Variants in SEC31A observed in about 807,000 individuals in gnomAD.
SEC31A encodes the protein protein transport protein Sec31A.
In SEC31A, 70 loss-of-function variants were observed where a neutral mutation model predicts 151.0. The ratio of observed to expected loss-of-function variants is 0.46; its 90% CI spans 0.38 to 0.57. The LOEUF (loss-of-function observed/expected upper bound fraction) is 0.57. SEC31A is among the 20% of genes least tolerant of loss of function. SEC31A has a pLI of 0.00. For synonymous variants in SEC31A, 475 were observed against 505.9 expected (o/e 0.94, Z 0.82); for missense variants, 1,330 against 1,471.2 (o/e 0.90, Z 1.57).
intron 24 of SEC31A, among the ~76,000 whole-genome samples, chr4:82,826,926 G>C (rs1473420757): frequency 1.3e-5 from 2 of 152,196 alleles, no homozygotes; most frequent in African/African-American, 4.8e-5. Context: ...CTGGCTGTTT[G>C]TGTGTGAAAA....
rs1002621729 is a variant in SEC31A at position 82,819,007 on chromosome 4, A to C, written c.*67T>G. 3 of 1,369,408 alleles carry C rather than the reference A, an allele frequency of 2.2e-6. No homozygotes were observed. In the South Asian group the frequency reaches 4.4e-5, roughly 20 times the overall value. 84.8% of individuals were successfully genotyped at this position (1,369,408 alleles called of 1,614,324 possible). Reference sequence around the variant, plus strand: ...GCTAATGAGGACTAGTCCATGTCTTATAATTTTTTTTTTTAACATGTTTCT... The same window carrying C: ...GCTAATGAGGACTAGTCCATGTCTTCTAATTTTTTTTTTTAACATGTTTCT... On this transcript the variant is annotated 3_prime_UTR_variant, in exon 27 of 27. Coordinates refer to ENST00000395310, the MANE Select transcript of SEC31A (RefSeq NM_001077207.4).
chr4:82,890,963 C>CA, intron 1 of SEC31A, 125 bp downstream of exon 1: 1 of 1,459,396 alleles, frequency 6.9e-7, no homozygotes, highest in African/African-American at 1.4e-5. Context: ...GCGCCGTCAC[C>CA]AGAGACCGGG....
chr4:82,890,768 T>A, intron 1 of SEC31A: 3 of 1,236,600 alleles, frequency 2.4e-6, no homozygotes, highest in Non-Finnish European at 3.0e-6. Flanking sequence ...TGCACAAGGG[T>A]CTGAAAGTCT....
chr4:82,889,813 A>G (rs1741876512), intron 1 of SEC31A, among the ~76,000 whole-genome samples: 1 of 152,234 alleles, frequency 6.6e-6, no homozygotes, highest in Non-Finnish European at 1.5e-5. Flanking sequence ...TTTAAGATAA[A>G]ATCACTACAA....
chr4:82,845,407 C>A (rs1729842796), intron 20 of SEC31A: 3 of 520,266 alleles, frequency 5.8e-6, no homozygotes, highest in Non-Finnish European at 6.4e-6. Context: ...GTAAGATTGG[C>A]AAGATAACAT....
chr4:82,871,251 TCTAA>T (rs1736592935), intron 7 of SEC31A: 1 of 1,306,230 alleles, frequency 7.7e-7, no homozygotes, highest in African/African-American at 1.5e-5. Context: ...AAAAAAGTTA[TCTAA>T]CTATATGCAC....
chr4:82,838,399 T>C (rs1367264793), intron 22 of SEC31A, among the ~76,000 whole-genome samples: 1 of 152,144 alleles, frequency 6.6e-6, no homozygotes, highest in Non-Finnish European at 1.5e-5. Flanking sequence ...TGCTATCCTG[T>C]GCTGCCATCA....
At chr4:82,845,093 T>C in intron 20 of SEC31A, 1 of 691,256 alleles carries the variant, frequency 1.4e-6, no homozygotes, top group South Asian at 1.8e-5. Flanking sequence ...AGCAGGCAGA[T>C]GGATGGGGAG....
In SEC31A at chr4:82,819,045, C is replaced by A; in HGVS notation, c.*29G>T. On this transcript the variant is annotated 3_prime_UTR_variant, in exon 27 of 27. Coordinates refer to ENST00000395310, the MANE Select transcript of SEC31A (RefSeq NM_001077207.4). ...TTAACATGTTTCTTTGGAAAAATGGCAATATTGAGTGGAAGAGAAGCTGTC... is the reference window on the plus strand; with the variant it reads ...TTAACATGTTTCTTTGGAAAAATGGAAATATTGAGTGGAAGAGAAGCTGTC... 2 of 1,549,830 alleles carry A rather than the reference C, an allele frequency of 1.3e-6. No individual in the cohort carries two copies. The highest frequency in any genetic ancestry group is 1.3e-5 in the South Asian group (1 of 79,908).
chr4:82,821,561 A>AAAG (rs1239921074), intron 25 of SEC31A: 1 of 152,126 alleles, frequency 6.6e-6, no homozygotes, highest in Non-Finnish European at 1.4e-5. Context: ...AAAAAAAAAA[A>AAAG]AAAAAAAAAG....
chr4:82,824,722 T>A (rs1328999308), intron 24 of SEC31A, 48 bp from the exon 25 acceptor site: 1 of 1,589,998 alleles, frequency 6.3e-7, no homozygotes, highest in Admixed American at 1.8e-5. Context: ...AGAAGCTACC[T>A]TATATACACA....
At chr4:82,855,949 A>G (rs1204069185) in intron 16 of SEC31A, among the ~76,000 whole-genome samples, 1 of 152,234 alleles carries the variant, frequency 6.6e-6, no homozygotes, top group Non-Finnish European at 1.5e-5. Flanking sequence ...AACTTAAAAT[A>G]AAAGTTAAAT....
In SEC31A at chr4:82,820,969, T is replaced by C. The variant is rs559358269; in HGVS notation, c.3483+68A>G. 1.6e-4 allele frequency: 215 copies of C among 1,356,426 alleles called. No homozygotes were observed. In the African/African-American group the frequency reaches 2.8e-3, roughly 17 times the overall value. The allele number at this position is 1,356,426 out of a possible 1,614,324, so 84.0% of individuals were successfully genotyped here. On this transcript the variant is annotated intron_variant, in intron 26 of 26. Transcript: ENST00000395310. ...CATGCATACTAAATGGGAGTGCTGA[T>C]AAGACAACTGTTTTACTAGCAACTA...
chr4:82,858,176 G>T (rs1365589498), intron 14 of SEC31A, among the ~76,000 whole-genome samples: 1 of 152,010 alleles, frequency 6.6e-6, no homozygotes, highest in African/African-American at 2.4e-5. Flanking sequence ...ACTTTGGGAG[G>T]CTGAGGTGGG....
intron 19 of SEC31A, 50 bp from the exon 20 acceptor site, chr4:82,849,027 A>G: frequency 1.3e-6 from 2 of 1,484,386 alleles, no homozygotes; most frequent in Non-Finnish European, 9.2e-7. Flanking sequence ...ACCCAGGTAT[A>G]TGACAGCATG....
chr4:82,887,843 G>A (rs868284264), intron 1 of SEC31A, among the ~76,000 whole-genome samples: 89 of 152,084 alleles, frequency 5.9e-4, no homozygotes, highest in Middle Eastern at 3.4e-3. Context: ...CGGATCACGA[G>A]GTCAGGAGAT....
At chr4:82,892,095 TG>T (rs1719830978), upstream of SEC31A, among the ~76,000 whole-genome samples, 1 of 152,274 alleles carries the variant, frequency 6.6e-6, no homozygotes, top group Non-Finnish European at 1.5e-5. Context: ...ACATTCCATC[TG>T]AAGCTTGCAG....
chr4:82,895,993 T>C (rs1720046231), upstream of SEC31A, among the ~76,000 whole-genome samples: 1 of 152,234 alleles, frequency 6.6e-6, no homozygotes, highest in African/African-American at 2.4e-5. Context: ...AACAAATGCA[T>C]ATATTTATCT....
At chr4:82,871,069 A>G (rs1736543456) in intron 7 of SEC31A, among the ~76,000 whole-genome samples, 1 of 152,066 alleles carries the variant, frequency 6.6e-6, no homozygotes, top group African/African-American at 2.4e-5. Flanking sequence ...CTGTAGTTCC[A>G]GGCATACTCA....
Sources: gnomAD v4.1 joint callset for allele counts (sites outside exome capture counted in the v4.1 genomes callset) on GRCh38, gnomAD v4.1.1 for gene constraint, MANE v1.5 for transcripts, NCBI Gene and HGNC (gene_info 2026-07-23, HGNC 2026-07-21) for gene names.